Variants in ARHGAP24 observed in about 807,000 individuals in gnomAD.
ARHGAP24 encodes the protein rho GTPase-activating protein 24.
In ARHGAP24, 50 loss-of-function variants were observed where a neutral mutation model predicts 76.4. That is an observed-to-expected ratio of 0.65 (90% confidence interval 0.52 to 0.83). The LOEUF is 0.83. Among genes scored for constraint, ARHGAP24 ranks in the 40% least tolerant of loss-of-function variants. ARHGAP24 has a pLI of 0.00. For synonymous variants in ARHGAP24, 345 were observed against 323.3 expected, an observed-to-expected ratio of 1.07 and a Z score of -0.72; for missense variants, 930 against 914.2, an observed-to-expected ratio of 1.02 and a Z score of -0.22.
intron 2 of ARHGAP24, among the ~76,000 whole-genome samples, chr4:85,621,639 G>C (rs951191636): frequency 6.6e-6 from 1 of 151,406 alleles, no homozygotes; most frequent in African/African-American, 2.4e-5. Flanking sequence ...GATTTATTTA[G>C]GTTCTTTATA....
At chr4:85,584,205 A>T in intron 2 of ARHGAP24, among the ~76,000 whole-genome samples, 1 of 152,158 alleles carries the variant, frequency 6.6e-6, no homozygotes, top group South Asian at 2.1e-4. Context: ...ATGTCCAACA[A>T]TGATAGACTG....
chr4:85,803,289 G>A (rs560154508), intron 3 of ARHGAP24, among the ~76,000 whole-genome samples: 85 of 152,312 alleles, frequency 5.6e-4, no homozygotes, highest in Non-Finnish European at 8.5e-4. Context: ...TGAGGTTTCA[G>A]TGTATTACAG....
chr4:85,991,191 A>G (rs987079258), intron 8 of ARHGAP24: 2 of 152,132 alleles, frequency 1.3e-5, no homozygotes, highest in African/African-American at 2.4e-5. Flanking sequence ...AACCATAATG[A>G]GATGTCTCTA....
chr4:85,886,050 T>G (rs1733549512), intron 3 of ARHGAP24, among the ~76,000 whole-genome samples: 1 of 152,102 alleles, frequency 6.6e-6, no homozygotes, highest in South Asian at 2.1e-4. Context: ...TTTTGAAACA[T>G]CTCATGAAAT....
chr4:85,588,969 A>G (rs1208785607), intron 2 of ARHGAP24, among the ~76,000 whole-genome samples: 1 of 152,228 alleles, frequency 6.6e-6, no homozygotes, highest in African/African-American at 2.4e-5. Context: ...AAAGGCCATC[A>G]GATAATATTC....
intron 1 of ARHGAP24, among the ~76,000 whole-genome samples, chr4:85,566,807 GAT>G (rs1726868432): frequency 6.6e-6 from 1 of 152,190 alleles, no homozygotes; most frequent in African/African-American, 2.4e-5. Context: ...ACAGTTCAGC[GAT>G]AGAGAATAGA....
At chr4:85,891,146 A>G (rs1207964717) in intron 3 of ARHGAP24, among the ~76,000 whole-genome samples, 1 of 152,152 alleles carries the variant, frequency 6.6e-6, no homozygotes, top group Non-Finnish European at 1.5e-5. Flanking sequence ...TAAATGACTG[A>G]GTAGGTCTAG....
At chr4:85,688,152 C>T (rs1042658706) in intron 2 of ARHGAP24, among the ~76,000 whole-genome samples, 8 of 152,090 alleles carry the variant, frequency 5.3e-5, no homozygotes, top group Non-Finnish European at 8.8e-5. Flanking sequence ...TCTCCAAACT[C>T]CTTTCAACAG....
chr4:85,924,973 G>GA (rs1735937045), intron 4 of ARHGAP24, among the ~76,000 whole-genome samples: 1 of 152,090 alleles, frequency 6.6e-6, no homozygotes, highest in Admixed American at 6.6e-5. Context: ...TTCTAGTTTG[G>GA]ATGACAACAC....
chr4:85,935,461 G>T (rs897694287), intron 4 of ARHGAP24, among the ~76,000 whole-genome samples: 1 of 152,222 alleles, frequency 6.6e-6, no homozygotes, highest in African/African-American at 2.4e-5. Context: ...ATCGGGTTTG[G>T]TCTTTGAAAG....
At chr4:85,612,271 G>C (rs1043730824) in intron 2 of ARHGAP24, among the ~76,000 whole-genome samples, 3 of 146,680 alleles carry the variant, frequency 2.0e-5, no homozygotes, top group Admixed American at 7.0e-5. Context: ...ACAAAAATTA[G>C]CTGGGCGTGG....
chr4:85,517,045 T>C (rs75629486), intron 1 of ARHGAP24, among the ~76,000 whole-genome samples: 1 of 152,180 alleles, frequency 6.6e-6, no homozygotes, highest in East Asian at 1.9e-4. Context: ...CTTCAGTGAG[T>C]TGAGCTGACA....
rs1356372714 is a variant in ARHGAP24 at position 85,985,013 on chromosome 4, G to T, written c.928+7322G>T. Among the ~76,000 whole-genome samples, 6 of 151,944 alleles carry T rather than the reference G, an allele frequency of 3.9e-5. No individual in the cohort carries two copies. The South Asian group carries it at 1.2e-3, about 32-fold the overall frequency. ...ATTTTTGTATTTTTAGTAGAGATGG[G>T]GTTTCACCATGTTGGCCAGGCTGGT... On this transcript the variant is annotated intron_variant, in intron 8 of 9. Transcript: ENST00000395184.
In ARHGAP24 at chr4:85,769,581, G is replaced by C. The variant is rs186194191; in HGVS notation, c.268+47609G>C. ...ATAGATATTGATAGCTTGATATCTC[G>C]ATGGATACACAGTAAATTGTTAGTA... On this transcript the variant is annotated intron_variant, in intron 3 of 9. Transcript: ENST00000395184. Among the ~76,000 whole-genome samples, 4 of 151,758 alleles carry C rather than the reference G, an allele frequency of 2.6e-5. No individual in the cohort carries two copies. The East Asian group carries it at 7.7e-4, about 29-fold the overall frequency.
intron 1 of ARHGAP24, among the ~76,000 whole-genome samples, chr4:85,514,273 C>T (rs1173167202): frequency 3.3e-5 from 5 of 152,108 alleles, no homozygotes; most frequent in African/African-American, 7.2e-5. Context: ...TCCCCTGCTC[C>T]GTAAGCACCC....
chr4:85,883,964 A>G (rs909226309), intron 3 of ARHGAP24, among the ~76,000 whole-genome samples: 1 of 152,114 alleles, frequency 6.6e-6, no homozygotes, highest in African/African-American at 2.4e-5. Flanking sequence ...GAACAACAAC[A>G]AAAAAATCAT....
intron 2 of ARHGAP24, among the ~76,000 whole-genome samples, chr4:85,664,119 C>T (rs1197422355): frequency 2.0e-5 from 3 of 151,270 alleles, no homozygotes; most frequent in South Asian, 2.1e-4. Flanking sequence ...TGGTAGAATT[C>T]GGCTGTGAAT....
chr4:85,869,815 A>G (rs1241485414), intron 3 of ARHGAP24, among the ~76,000 whole-genome samples: 2 of 152,194 alleles, frequency 1.3e-5, no homozygotes, highest in Non-Finnish European at 2.9e-5. Context: ...ATTGCGTTAA[A>G]GTTCCAGGGC....
intron 3 of ARHGAP24, among the ~76,000 whole-genome samples, chr4:85,804,754 T>G (rs1295866811): frequency 1.3e-5 from 2 of 152,240 alleles, no homozygotes; most frequent in African/African-American, 4.8e-5. Context: ...AAGCTTTCTA[T>G]TCTAACCCTT....
Sources: allele counts gnomAD v4.1 joint callset (sites outside exome capture counted in the v4.1 genomes callset), GRCh38; gene constraint gnomAD v4.1.1; transcripts MANE v1.5; gene names NCBI Gene and HGNC (gene_info 2026-07-23, HGNC 2026-07-21).